Variants in ANTXR1 observed in about 807,000 individuals in gnomAD.
ANTXR1 encodes the protein anthrax toxin receptor 1.
In ANTXR1, 19 loss-of-function variants were observed where a neutral mutation model predicts 78.1. That is an observed-to-expected ratio of 0.24 (90% CI 0.17 to 0.36). The LOEUF is 0.36. Ranked by LOEUF, ANTXR1 falls within the 10% of genes least tolerant of loss-of-function variation. The pLI is 1.00. For synonymous variants in ANTXR1, 273 were observed against 260.5 expected (o/e 1.05, Z -0.46); for missense variants, 518 against 718.6 (o/e 0.72, Z 3.19).
At chr2:69,241,364 G>T (rs1332783807) in intron 17 of ANTXR1, among the ~76,000 whole-genome samples, 3 of 152,160 alleles carry the variant, frequency 2.0e-5, no homozygotes, top group African/African-American at 7.2e-5. Context: ...CCGTGTTTAT[G>T]CTGGCACCTC....
At chr2:69,135,833 GAATT>G (rs776942023) in intron 12 of ANTXR1, among the ~76,000 whole-genome samples, 9 of 151,902 alleles carry the variant, frequency 5.9e-5, no homozygotes, top group East Asian at 3.9e-4. Context: ...GCAGCCAAAA[GAATT>G]AATAAAATAT....
At chr2:69,095,719 C>G (rs59003994) in intron 9 of ANTXR1, among the ~76,000 whole-genome samples, 3,108 of 152,270 alleles carry the variant, frequency 0.02, 101 homozygotes, top group African/African-American at 0.069. Flanking sequence ...AGCTCTCCCC[C>G]CATAGAATCA....
chr2:69,052,807 A>G (rs188817952), intron 3 of ANTXR1, among the ~76,000 whole-genome samples: 1 of 152,120 alleles, frequency 6.6e-6, no homozygotes, highest in Admixed American at 6.6e-5. Context: ...CATCTGAGAG[A>G]ATGTTTCATT....
intron 17 of ANTXR1, among the ~76,000 whole-genome samples, chr2:69,202,687 A>G (rs1674803724): frequency 1.3e-5 from 2 of 152,162 alleles, no homozygotes. Flanking sequence ...GAGGGCAGGA[A>G]GTGAGGACAT....
At chr2:69,139,527 C>A (rs1051897293) in intron 12 of ANTXR1, among the ~76,000 whole-genome samples, 9 of 152,182 alleles carry the variant, frequency 5.9e-5, no homozygotes, top group Non-Finnish European at 4.4e-5. Context: ...TTTATTGACA[C>A]CCTATTACAC....
At chr2:69,086,786 G>T (rs1345458075) in intron 8 of ANTXR1, among the ~76,000 whole-genome samples, 2 of 152,168 alleles carry the variant, frequency 1.3e-5, no homozygotes, top group African/African-American at 4.8e-5. Flanking sequence ...TTACTGCCAA[G>T]GTCATTTTGA....
At chr2:69,217,658 T>C (rs1345039014) in intron 17 of ANTXR1, among the ~76,000 whole-genome samples, 4 of 152,190 alleles carry the variant, frequency 2.6e-5, no homozygotes, top group East Asian at 1.9e-4. Context: ...CATATCAGCA[T>C]TGTTATTATT....
chr2:69,172,699 T>C (rs1394276813), intron 14 of ANTXR1: 4 of 385,322 alleles, frequency 1.0e-5, no homozygotes, highest in Non-Finnish European at 1.5e-5. Context: ...TATAATAAGC[T>C]CTCAGTGACC....
At chr2:69,223,292 C>G (rs1052796624) in intron 17 of ANTXR1, among the ~76,000 whole-genome samples, 1 of 152,218 alleles carries the variant, frequency 6.6e-6, no homozygotes, top group African/African-American at 2.4e-5. Context: ...GCCAATTTCT[C>G]TTTAGAAGAG....
chr2:69,046,962 A>C (rs1454889818), intron 3 of ANTXR1, among the ~76,000 whole-genome samples: 1 of 152,226 alleles, frequency 6.6e-6, no homozygotes, highest in East Asian at 1.9e-4. Flanking sequence ...GGGTAAATCA[A>C]AAGAAATAAT....
intron 16 of ANTXR1, among the ~76,000 whole-genome samples, chr2:69,191,271 A>G (rs1674537507): frequency 6.6e-6 from 1 of 152,242 alleles, no homozygotes; most frequent in African/African-American, 2.4e-5. Flanking sequence ...AGACAAAGTT[A>G]AACCCACAAG....
intron 17 of ANTXR1, among the ~76,000 whole-genome samples, chr2:69,197,484 A>G (rs1174522510): frequency 6.6e-6 from 1 of 152,224 alleles, no homozygotes; most frequent in Non-Finnish European, 1.5e-5. Context: ...TCATGCCCTG[A>G]ACATGCCAGG....
At chr2:69,065,766 T>C (rs543390610) in intron 3 of ANTXR1, among the ~76,000 whole-genome samples, 22 of 152,370 alleles carry the variant, frequency 1.4e-4, no homozygotes, top group Admixed American at 4.6e-4. Context: ...CAATTGGTTG[T>C]AGAACTTCAT....
rs1347486044 is a variant in ANTXR1 at position 69,212,597 on chromosome 2, A to AT, written c.1434+19183dup. On this transcript the variant is annotated intron_variant, in intron 17 of 17. Transcript: ENST00000303714. ...ATATTTGTACTATTCAGAAAACAGC[A>AT]TATGTATCCATTTCTTGGGGGTTTT... Among the ~76,000 whole-genome samples, 5 of 152,238 alleles carry AT rather than the reference A, an allele frequency of 3.3e-5. No individual in the cohort carries two copies. In the East Asian group the frequency reaches 9.6e-4, roughly 29 times the overall value.
chr2:69,169,134 C>T (rs904699654), intron 13 of ANTXR1, among the ~76,000 whole-genome samples: 9 of 152,242 alleles, frequency 5.9e-5, no homozygotes, highest in African/African-American at 1.9e-4. Context: ...TTGCTGCCAG[C>T]TAAGCAGCCT....
chr2:69,140,459 T>C (rs1396184987), intron 12 of ANTXR1, among the ~76,000 whole-genome samples: 1 of 152,218 alleles, frequency 6.6e-6, no homozygotes, highest in Non-Finnish European at 1.5e-5. Context: ...GCCACAATAT[T>C]TGAACATCCT....
chr2:69,061,929 T>C (rs1030283330), intron 3 of ANTXR1, among the ~76,000 whole-genome samples: 4 of 152,306 alleles, frequency 2.6e-5, no homozygotes, highest in Admixed American at 2.6e-4. Context: ...TTCATTTCCA[T>C]GGTCAACCAG....
At chr2:69,205,040 G>A (rs1674861844) in intron 17 of ANTXR1, among the ~76,000 whole-genome samples, 1 of 152,180 alleles carries the variant, frequency 6.6e-6, no homozygotes, top group Non-Finnish European at 1.5e-5. Flanking sequence ...GCATGAACAA[G>A]GCGAGATCCC....
intron 17 of ANTXR1, among the ~76,000 whole-genome samples, chr2:69,201,304 A>T (rs572656864): frequency 2.6e-5 from 4 of 152,280 alleles, no homozygotes; most frequent in South Asian, 2.1e-4. Context: ...TTCTAGTGAC[A>T]GGGAAGCTTG....
Sources: allele counts gnomAD v4.1 joint callset (sites outside exome capture counted in the v4.1 genomes callset), GRCh38; gene constraint gnomAD v4.1.1; transcripts MANE v1.5; gene names NCBI Gene and HGNC (gene_info 2026-07-23, HGNC 2026-07-21).